The following PPME1 variants were observed in gnomAD, a reference collection of about 807,000 sequenced individuals.
The protein encoded by PPME1 is testicular secretory protein Li 39.
Under a neutral mutation model 56.9 loss-of-function variants are expected in PPME1, and 17 were observed. The ratio of observed to expected loss-of-function variants is 0.30; its 90% CI spans 0.20 to 0.45. The LOEUF (loss-of-function observed/expected upper bound fraction) is 0.45, where lower values mean the gene tolerates loss of function less well. Ranked by LOEUF, PPME1 falls within the 20% of genes least tolerant of loss-of-function variation. The probability of loss-of-function intolerance (pLI) is 1.00; values close to 1 mark genes in which losing one functional copy is unlikely to be tolerated. For synonymous variants in PPME1, 122 were observed against 156.2 expected, an observed-to-expected ratio of 0.78 and a Z score of 1.63; for missense variants, 357 against 483.2, an observed-to-expected ratio of 0.74 and a Z score of 2.45.
intron 3 of PPME1, 109 bp from the exon 4 acceptor site, chr11:74,222,203 T>C: frequency 1.2e-6 from 1 of 800,888 alleles, no homozygotes. Flanking sequence ...TTTGATTCTC[T>C]TGGGTCCTTT....
chr11:74,175,020 C>T (rs1857370324), intron 1 of PPME1, among the ~76,000 whole-genome samples: 1 of 152,148 alleles, frequency 6.6e-6, no homozygotes, highest in East Asian at 1.9e-4. Flanking sequence ...TGGTTTTGAA[C>T]TTCTTTATTA....
intron 1 of PPME1, among the ~76,000 whole-genome samples, chr11:74,203,256 A>G (rs1292539755): frequency 6.6e-6 from 1 of 152,162 alleles, no homozygotes; most frequent in Non-Finnish European, 1.5e-5. Flanking sequence ...GGGAATGACA[A>G]GGAAGCATGA....
intron 5 of PPME1, among the ~76,000 whole-genome samples, chr11:74,225,581 C>G (rs776652590): frequency 6.6e-5 from 10 of 152,158 alleles, no homozygotes; most frequent in Admixed American, 5.9e-4. Context: ...ATCATGGACT[C>G]ACGCTTGGAA....
At chr11:74,239,309 G>A (rs1859285829) in intron 9 of PPME1, 53 bp downstream of exon 9, 1 of 1,583,344 alleles carries the variant, frequency 6.3e-7, no homozygotes, top group Non-Finnish European at 8.6e-7. Flanking sequence ...GGTTCAAACT[G>A]TGTGTGGGTG....
At chr11:74,232,444 A>G (rs1336511745) in intron 7 of PPME1, among the ~76,000 whole-genome samples, 1 of 152,146 alleles carries the variant, frequency 6.6e-6, no homozygotes, top group Admixed American at 6.5e-5. Flanking sequence ...TGTCAGAATG[A>G]TGTTTGTGTT....
chr11:74,249,822 A>T (rs989081455), intron 11 of PPME1: 3 of 152,256 alleles, frequency 2.0e-5, no homozygotes, highest in Non-Finnish European at 4.4e-5. Context: ...AAGTGCATTA[A>T]CAACTTTAGG....
chr11:74,238,779 C>G (rs1182134203), intron 8 of PPME1: 4 of 159,890 alleles, frequency 2.5e-5, no homozygotes, highest in Admixed American at 1.9e-4. Context: ...CCAGCCTTAA[C>G]CACTTATGAG....
chr11:74,188,445 A>G (rs906060946), intron 1 of PPME1, among the ~76,000 whole-genome samples: 45 of 152,088 alleles, frequency 3.0e-4, no homozygotes, highest in Admixed American at 7.9e-4. Context: ...TCGGCCTCCC[A>G]AAGTGCTGGG....
At chr11:74,222,570 C>T (rs961546088) in intron 4 of PPME1, 4 of 510,538 alleles carry the variant, frequency 7.8e-6, no homozygotes, top group Non-Finnish European at 1.4e-5. Context: ...CTCACTGCAA[C>T]CTCTGCCTCC....
At chr11:74,180,867 G>A (rs560051707) in intron 1 of PPME1, among the ~76,000 whole-genome samples, 2 of 152,198 alleles carry the variant, frequency 1.3e-5, no homozygotes, top group South Asian at 4.1e-4. Flanking sequence ...TATTTTCCAA[G>A]CACCTTCACC....
At chr11:74,215,929 G>T (rs1339157328) in intron 3 of PPME1, among the ~76,000 whole-genome samples, 1 of 152,082 alleles carries the variant, frequency 6.6e-6, no homozygotes, top group Non-Finnish European at 1.5e-5. Flanking sequence ...AATGATAAGG[G>T]GGTCAATTCA....
chr11:74,181,461 T>C (rs572888228), intron 1 of PPME1, among the ~76,000 whole-genome samples: 1 of 152,366 alleles, frequency 6.6e-6, no homozygotes, highest in Admixed American at 6.5e-5. Context: ...GCATCTCCAC[T>C]CATCAATTGT....
At chr11:74,215,762 C>G (rs1206886462) in intron 3 of PPME1, among the ~76,000 whole-genome samples, 1 of 152,190 alleles carries the variant, frequency 6.6e-6, no homozygotes, top group Non-Finnish European at 1.5e-5. Context: ...CTACTAGAAA[C>G]ACTCTTTATC....
chr11:74,180,365 C>T (rs1224183320), intron 1 of PPME1, among the ~76,000 whole-genome samples: 1 of 152,142 alleles, frequency 6.6e-6, no homozygotes, highest in African/African-American at 2.4e-5. Flanking sequence ...AATGCTGTCT[C>T]CTTTAGTGCT....
chr11:74,230,883 T>C lies in PPME1; in HGVS notation c.554-29T>C, dbSNP rs779392515. On this transcript the variant is annotated intron_variant, in intron 6 of 13. Coordinates refer to ENST00000328257, the MANE Select transcript of PPME1 (RefSeq NM_016147.3). The surrounding 1 kb of genome is among the most constrained non-coding windows in gnomAD (Gnocchi z 4.9). The stretch of plus-strand genomic sequence containing the variant: ...GTAAATGCTCAGAATAAGTTAAATA[T>C]GTGGTTACAGTTTTTGTTTAACATC... 6 of 1,499,552 alleles carry C rather than the reference T, an allele frequency of 4.0e-6. No homozygotes were observed. The highest frequency in any genetic ancestry group is 5.5e-6 in the Non-Finnish European group (6 of 1,091,698). 92.9% of individuals were successfully genotyped at this position (1,499,552 alleles called of 1,614,324 possible).
intron 1 of PPME1, among the ~76,000 whole-genome samples, chr11:74,189,075 G>C (rs7117866): frequency 6.6e-6 from 1 of 151,952 alleles, no homozygotes; most frequent in South Asian, 2.1e-4. Context: ...TAAACATACA[G>C]TTATATTTCC....
chr11:74,202,680 C>T (rs1858201334), intron 1 of PPME1, among the ~76,000 whole-genome samples: 1 of 152,046 alleles, frequency 6.6e-6, no homozygotes, highest in African/African-American at 2.4e-5. Context: ...GTATTCCATC[C>T]AAGGTTGAAG....
intron 3 of PPME1, among the ~76,000 whole-genome samples, chr11:74,221,944 C>T (rs556154969): frequency 6.6e-6 from 1 of 152,200 alleles, no homozygotes; most frequent in East Asian, 1.9e-4. Context: ...ACTCACCGTC[C>T]TTATCTAAGG....
intron 10 of PPME1, 137 bp from the exon 11 acceptor site, chr11:74,246,941 TG>T: frequency 1.4e-6 from 1 of 721,238 alleles, no homozygotes; most frequent in South Asian, 1.7e-5. Flanking sequence ...TTTTATCTGG[TG>T]GTGAGAGTAT....
Sources: allele counts gnomAD v4.1 joint callset (sites outside exome capture counted in the v4.1 genomes callset), GRCh38; gene constraint gnomAD v4.1.1; non-coding constraint Gnocchi (gnomAD v3.1); transcripts MANE v1.5; gene names NCBI Gene and HGNC (gene_info 2026-07-23, HGNC 2026-07-21).